Variants in NR6A1 observed in about 807,000 individuals in gnomAD.
NR6A1 encodes the protein retinoic acid receptor-related testis-associated receptor.
A neutral mutation model predicts 59.1 loss-of-function variants in NR6A1; 7 were observed. The observed-to-expected ratio is 0.12, with a 90% CI of 0.07 to 0.22. NR6A1 has a LOEUF of 0.22. Ranked by LOEUF, NR6A1 falls within the 10% of genes least tolerant of loss-of-function variation. The pLI, the probability that NR6A1 is intolerant of heterozygous loss-of-function variation, is 1.00. For synonymous variants in NR6A1, 243 were observed against 236.1 expected, an observed-to-expected ratio of 1.03 and a Z score of -0.27; for missense variants, 468 against 611.6, an observed-to-expected ratio of 0.77 and a Z score of 2.48.
intron 2 of NR6A1, among the ~76,000 whole-genome samples, chr9:124,577,772 G>A (rs1474105838): frequency 6.6e-6 from 1 of 152,136 alleles, no homozygotes; most frequent in African/African-American, 2.4e-5. Context: ...GCAGAAATTG[G>A]GAAAACTGGT....
intron 2 of NR6A1, among the ~76,000 whole-genome samples, chr9:124,687,683 CA>C (rs1417148751): frequency 6.6e-6 from 1 of 152,256 alleles, no homozygotes; most frequent in African/African-American, 2.4e-5. Flanking sequence ...TACCTTAAAA[CA>C]ACACATTATT....
intron 3 of NR6A1, among the ~76,000 whole-genome samples, chr9:124,546,257 T>C (rs1833597895): frequency 6.6e-6 from 1 of 152,228 alleles, no homozygotes; most frequent in Non-Finnish European, 1.5e-5. Context: ...ATTGAACAGA[T>C]GGATCTAAGG....
chr9:124,617,031 C>T (rs1299777425), intron 2 of NR6A1, among the ~76,000 whole-genome samples: 1 of 152,116 alleles, frequency 6.6e-6, no homozygotes, highest in South Asian at 2.1e-4. Flanking sequence ...ACATTTATTA[C>T]AATTTTAAAA....
In NR6A1 at chr9:124,771,208, G is replaced by A; in HGVS notation, c.-89C>T. On this transcript the variant is annotated 5_prime_UTR_variant, in exon 1 of 10. Coordinates refer to ENST00000487099, the MANE Select transcript of NR6A1 (RefSeq NM_033334.4). ...TGGTCGTCGTCCGCCGAGGGGAGGA[G>A]GTTGTCAGGAGCCCGCGAGCTCCCG... 2.7e-6 allele frequency: 2 copies of A among 730,998 alleles called. No homozygotes were observed. The highest frequency in any genetic ancestry group is 3.8e-6 in the Non-Finnish European group (2 of 530,108). 45.3% of individuals were successfully genotyped at this position (730,998 alleles called of 1,614,324 possible).
chr9:124,526,928 T>G (rs776101641), intron 7 of NR6A1, 28 bp from the exon 8 acceptor site: 3 of 1,612,896 alleles, frequency 1.9e-6, no homozygotes, highest in Admixed American at 1.7e-5. Context: ...GTGTTAACAG[T>G]TGGCTGTGAC....
chr9:124,529,646 G>A (rs1012130243), intron 7 of NR6A1, among the ~76,000 whole-genome samples: 1 of 152,176 alleles, frequency 6.6e-6, no homozygotes. Context: ...CCTGGAAAAG[G>A]CTAACCACAT....
chr9:124,700,754 CTTTTTTTTTTTTT>C (rs35704226), intron 2 of NR6A1, among the ~76,000 whole-genome samples: 1 of 91,288 alleles, frequency 1.1e-5, no homozygotes, highest in South Asian at 3.4e-4. Context: ...TTTACATAGC[CTTTTTTTTTTTTT>C]TTTTTTTTTT....
In NR6A1 at chr9:124,526,564, G is replaced by GA. The variant is rs111378093; in HGVS notation, c.1201+214dup. Among the ~76,000 whole-genome samples, 45 of 147,346 alleles carry GA rather than the reference G, an allele frequency of 3.1e-4. No individual in the cohort carries two copies. The East Asian group carries it at 3.7e-3, about 12-fold the overall frequency. On this transcript the variant is annotated intron_variant, in intron 8 of 9. Coordinates refer to ENST00000487099, the MANE Select transcript of NR6A1 (RefSeq NM_033334.4). ...AGAGATTGTGGCATTTCAGTTTGAA[G>GA]AAAAAAAAAAATCCAAAGCATTCTC...
At chr9:124,688,479 A>G (rs1443564386) in intron 2 of NR6A1, among the ~76,000 whole-genome samples, 1 of 152,246 alleles carries the variant, frequency 6.6e-6, no homozygotes, top group Non-Finnish European at 1.5e-5. Flanking sequence ...GCACAGAGTT[A>G]CCAATTAATG....
At chr9:124,733,538 AGAT>A (rs1219570123) in intron 1 of NR6A1, among the ~76,000 whole-genome samples, 189 bp from the exon 2 acceptor site, 1 of 152,206 alleles carries the variant, frequency 6.6e-6, no homozygotes, top group African/African-American at 2.4e-5. Flanking sequence ...ATATAAAAAC[AGAT>A]AATAGCATTT....
At chr9:124,548,534 A>G (rs1380948265) in intron 3 of NR6A1, among the ~76,000 whole-genome samples, 1 of 152,140 alleles carries the variant, frequency 6.6e-6, no homozygotes, top group African/African-American at 2.4e-5. Flanking sequence ...AAATGTAAGA[A>G]ATGTAAAAAA....
At chr9:124,732,365 G>C (rs1264870747) in intron 2 of NR6A1, among the ~76,000 whole-genome samples, 2 of 152,150 alleles carry the variant, frequency 1.3e-5, no homozygotes, top group African/African-American at 4.8e-5. Flanking sequence ...GTATACACTG[G>C]ATACTCCCAT....
At chr9:124,739,885 C>T (rs1196130232) in intron 1 of NR6A1, among the ~76,000 whole-genome samples, 1 of 152,220 alleles carries the variant, frequency 6.6e-6, no homozygotes, top group African/African-American at 2.4e-5. Flanking sequence ...CAATATAGTG[C>T]AACAGAGACA....
In NR6A1 at chr9:124,587,816, T is replaced by C. The variant is rs144592224; in HGVS notation, c.143-33246A>G. ...ACACATTACATTCACATGACTTTAC[T>C]AACGCAGCCATCAGAACCAAAGGTT... On this transcript the variant is annotated intron_variant, in intron 2 of 9. Transcript: ENST00000487099. 1.2e-3 allele frequency among the ~76,000 whole-genome samples: 190 copies of C among 152,350 alleles called. 2 individuals carry two copies. Among genetic ancestry groups the C allele is most frequent in the Middle Eastern group, 3.4e-3 (1 of 294 alleles).
chr9:124,755,167 CATTACCGTGGAAA>C (rs1175440619), intron 1 of NR6A1, among the ~76,000 whole-genome samples: 8 of 7,266 alleles, frequency 1.1e-3, no homozygotes, highest in African/African-American at 4.0e-3. Context: ...GGTTGAGTCA[CATTACCGTGGAAA>C]TATTTCAGGC....
At chr9:124,663,649 G>A (rs536658346) in intron 2 of NR6A1, among the ~76,000 whole-genome samples, 5 of 152,082 alleles carry the variant, frequency 3.3e-5, no homozygotes, top group African/African-American at 7.2e-5. Flanking sequence ...TCTGTTCATC[G>A]TCTGAGACCA....
At chr9:124,565,299 C>T (rs149817520) in intron 2 of NR6A1, among the ~76,000 whole-genome samples, 243 of 152,094 alleles carry the variant, frequency 1.6e-3, no homozygotes, top group Middle Eastern at 3.4e-3. Flanking sequence ...TGGTGGCACG[C>T]GCTTGTAGTC....
intron 2 of NR6A1, among the ~76,000 whole-genome samples, chr9:124,709,507 A>T (rs927010321): frequency 3.9e-5 from 6 of 152,310 alleles, no homozygotes; most frequent in Middle Eastern, 3.4e-3. Context: ...AGTCTAAAGA[A>T]GTTATCAACC....
chr9:124,748,790 G>A (rs1339363033), intron 1 of NR6A1, among the ~76,000 whole-genome samples: 23 of 151,910 alleles, frequency 1.5e-4, no homozygotes, highest in African/African-American at 5.3e-4. Flanking sequence ...GCATGAACCC[G>A]GGAGGTGGAG....
Sources: allele counts gnomAD v4.1 joint callset (sites outside exome capture counted in the v4.1 genomes callset), GRCh38; gene constraint gnomAD v4.1.1; transcripts MANE v1.5; gene names NCBI Gene and HGNC (gene_info 2026-07-23, HGNC 2026-07-21).